RNASEL: variants seen among roughly 807,000 people sequenced by gnomAD.
RNASEL encodes the protein 2-5A-dependent ribonuclease.
RNASEL carries 36 observed loss-of-function variants against 50.9 expected under a neutral mutation model. The ratio of observed to expected loss-of-function variants is 0.71; its 90% CI spans 0.54 to 0.93. The LOEUF is 0.93. Ranked by LOEUF, RNASEL falls within the 40% of genes least tolerant of loss-of-function variation. The pLI, the probability that RNASEL is intolerant of heterozygous loss-of-function variation, is 0.00. For missense variants in RNASEL, 860 were observed against 894.5 expected (o/e 0.96, Z 0.49); for synonymous variants, 335 against 335.6 (o/e 1.00, Z 0.02).
At chr1:182,583,270 G>C (rs1661528153) in intron 3 of RNASEL, among the ~76,000 whole-genome samples, 1 of 152,198 alleles carries the variant, frequency 6.6e-6, no homozygotes. Context: ...CACAGTGACA[G>C]CCAACTCCAC....
chr1:182,577,645 T>C (rs1350890256), intron 5 of RNASEL, among the ~76,000 whole-genome samples: 3 of 151,596 alleles, frequency 2.0e-5, no homozygotes, highest in Non-Finnish European at 4.4e-5. Flanking sequence ...AAAATTCACA[T>C]GAAACCAAAA....
At chr1:182,580,319 C>G (rs1436531445) in intron 5 of RNASEL, among the ~76,000 whole-genome samples, 2 of 152,150 alleles carry the variant, frequency 1.3e-5, no homozygotes, top group Non-Finnish European at 1.5e-5. Flanking sequence ...GACCGTAAGC[C>G]AGTAATTATG....
Position 182,586,420 on chromosome 1 carries a change from G to T in RNASEL, c.387C>A (p.Phe129Leu), listed in dbSNP as rs1448753348. The T allele has an allele frequency of 6.2e-7, 1 of 1,614,136 alleles. No individual in the cohort carries two copies. Among genetic ancestry groups the T allele is most frequent in the Non-Finnish European group, 8.5e-7 (1 of 1,180,040 alleles). The change falls in exon 2 of 7, where the codon TTC becomes TTA. Residue 129 changes from phenylalanine (F) to leucine (L), a missense_variant. By Grantham distance (22) the Phe-to-Leu change is conservative. Coordinates refer to ENST00000367559, the MANE Select transcript of RNASEL (RefSeq NM_021133.4). ...CCTTACCATACACAGCGGCTTCCAT[G>T]AAGGCTGTGAAGCCATAAAAATCAC... ...NECDFYGFTA[F>L]MEAAVYGKVK... is the part of the protein sequence containing the mutation.
Position 182,581,369 on chromosome 1 carries a change from T to C in RNASEL, c.1773-12A>G, listed in dbSNP as rs369696164. On this transcript the variant is annotated splice_polypyrimidine_tract_variant and intron_variant, in intron 4 of 6. Transcript: ENST00000367559. ...GCGTCCTATAGCGGCTGAAGATGACTAAATGATCTAAATGATCATGATCAT... is the reference window on the plus strand; with the variant it reads ...GCGTCCTATAGCGGCTGAAGATGACCAAATGATCTAAATGATCATGATCAT... 2.3e-5 allele frequency: 37 copies of C among 1,613,154 alleles called. No homozygotes were observed. In the African/African-American group the frequency reaches 4.3e-4, roughly 19 times the overall value.
chr1:182,581,025 G>A (rs997175752), intron 5 of RNASEL, among the ~76,000 whole-genome samples, 200 bp downstream of exon 5: 1 of 152,208 alleles, frequency 6.6e-6, no homozygotes, highest in Non-Finnish European at 1.5e-5. Flanking sequence ...ATGGGAGAGA[G>A]GGAGGGCCAG....
intron 2 of RNASEL, 33 bp from the exon 3 acceptor site, chr1:182,584,199 T>C (rs1661550052): frequency 1.3e-5 from 18 of 1,358,744 alleles, no homozygotes; most frequent in Non-Finnish European, 1.9e-5. Context: ...ACATTGAAAA[T>C]ACTCATTCTC....
chr1:182,583,510 G>T (rs1661534839), intron 3 of RNASEL, among the ~76,000 whole-genome samples: 1 of 152,114 alleles, frequency 6.6e-6, no homozygotes, highest in African/African-American at 2.4e-5. Context: ...TGAGTTGAAG[G>T]ATACAAAGTA....
rs1661335586 is a variant in RNASEL at position 182,573,826 on chromosome 1, T to C, written c.*1566A>G. 1 of 188,602 alleles carries C rather than the reference T, an allele frequency of 5.3e-6. No individual in the cohort carries two copies. The highest frequency in any genetic ancestry group is 1.1e-5 in the Non-Finnish European group (1 of 89,698). 11.7% of individuals were successfully genotyped at this position (188,602 alleles called of 1,614,324 possible). ...TTAATTTCATTCAGTGGTATCTATT[T>C]ATCCATTGCTAGATACCTCCTTTTC... On this transcript the variant is annotated 3_prime_UTR_variant, in exon 7 of 7. Transcript: ENST00000367559.
chr1:182,577,651 C>G (rs969144270), intron 5 of RNASEL, among the ~76,000 whole-genome samples: 1 of 150,622 alleles, frequency 6.6e-6, no homozygotes, highest in Non-Finnish European at 1.5e-5. Context: ...CACATGAAAC[C>G]AAAAAAGAGC....
intron 3 of RNASEL, among the ~76,000 whole-genome samples, chr1:182,582,808 C>A (rs971230316): frequency 6.6e-6 from 1 of 152,144 alleles, no homozygotes; most frequent in Non-Finnish European, 1.5e-5. Flanking sequence ...AACCAGGAGG[C>A]CAGACATATG....
In RNASEL at chr1:182,581,512, C is replaced by T. The variant is rs191214655; in HGVS notation, c.1773-155G>A. 3.7e-5 allele frequency among the ~76,000 whole-genome samples: 4 copies of T among 109,328 alleles called. No homozygotes were observed. The East Asian group carries it at 8.5e-4, about 23-fold the overall frequency. 71.7% of individuals were successfully genotyped at this position (109,328 alleles called of 152,430 possible). ...TTTTTTTTTTTTTGAGATGGAGTCT[C>T]GCTCTGTCCCCCAAGCTGGAGTGCA... On this transcript the variant is annotated intron_variant, in intron 4 of 6. Transcript: ENST00000367559.
chr1:182,579,476 T>A lies in RNASEL; in HGVS notation c.1905+1749A>T, dbSNP rs530696578. 17 of 1,021,022 alleles carry A rather than the reference T, an allele frequency of 1.7e-5. No homozygotes were observed. In the East Asian group the frequency reaches 4.3e-4, roughly 26 times the overall value. 63.2% of individuals were successfully genotyped at this position (1,021,022 alleles called of 1,614,324 possible). ...GAGGATGCTGCTGAGACTGGCCAGG[T>A]GCACTCTGTGCAGAACACCCGTGAG... On this transcript the variant is annotated intron_variant, in intron 5 of 6. Transcript: ENST00000367559.
In RNASEL at chr1:182,586,931, A is replaced by G. The variant is rs1558478180; in HGVS notation, c.-125T>C. 1 of 1,252,644 alleles carries G rather than the reference A, an allele frequency of 8.0e-7. No homozygotes were observed. Among genetic ancestry groups the G allele is most frequent in the Non-Finnish European group, 1.2e-6 (1 of 866,696 alleles). The allele number at this position is 1,252,644 out of a possible 1,614,324, so 77.6% of individuals were successfully genotyped here. A position where few individuals can be genotyped will look rare whatever the true frequency, so the allele number is the denominator to read the frequency against. Reference sequence around the variant, plus strand: ...GATTCTCTGGCAACAGAGCAGCAGTATGAAGAAGGAACAATGTTCTCAGTC... The same window carrying G: ...GATTCTCTGGCAACAGAGCAGCAGTGTGAAGAAGGAACAATGTTCTCAGTC... On this transcript the variant is annotated 5_prime_UTR_variant, in exon 2 of 7. Coordinates refer to ENST00000367559, the MANE Select transcript of RNASEL (RefSeq NM_021133.4).
At chr1:182,577,815 G>A (rs1159263595) in intron 5 of RNASEL, among the ~76,000 whole-genome samples, 1 of 152,064 alleles carries the variant, frequency 6.6e-6, no homozygotes, top group Non-Finnish European at 1.5e-5. Flanking sequence ...GAATACAGAA[G>A]CCACAAATAA....
At position 182,585,329 on chromosome 1, in the gene RNASEL, A is replaced by C; in HGVS notation, c.1478T>G (p.Ile493Arg). 1 of 1,614,028 alleles carries C rather than the reference A, an allele frequency of 6.2e-7. No individual in the cohort carries two copies. Among genetic ancestry groups the C allele is most frequent in the Non-Finnish European group, 8.5e-7 (1 of 1,179,914 alleles). Residue 493 changes from isoleucine to arginine, a missense_variant and splice_region_variant, in exon 2 of 7, where the codon ATA (isoleucine) becomes AGA (arginine). Physicochemically the swap from Ile to Arg is moderately conservative, Grantham distance 97. Transcript: ENST00000367559. ...HQDLQPQNILIDSKKAAHLAD... is the reference protein window; with the variant it reads ...HQDLQPQNILRDSKKAAHLAD... Reference sequence around the variant, plus strand: ...AGAATTGGGGATTGGGGACTCACCTATTAAGATGTTTTGTGGTTGCAGATC... The same window carrying C: ...AGAATTGGGGATTGGGGACTCACCTCTTAAGATGTTTTGTGGTTGCAGATC...
intron 1 of RNASEL, among the ~76,000 whole-genome samples, chr1:182,587,615 CAA>C (rs34085847): frequency 2.0e-4 from 19 of 94,048 alleles, no homozygotes; most frequent in Admixed American, 3.5e-4. Flanking sequence ...AGGTGGCTTC[CAA>C]AAAAAAAAAA....
chr1:182,583,796 G>C (rs1661542443), intron 3 of RNASEL, among the ~76,000 whole-genome samples: 1 of 152,146 alleles, frequency 6.6e-6, no homozygotes. Flanking sequence ...GGTTTGCCAG[G>C]GGCTTTCAGG....
At chr1:182,579,172 C>A (rs1661444813) in intron 5 of RNASEL, 2 of 897,742 alleles carry the variant, frequency 2.2e-6, no homozygotes, top group Non-Finnish European at 2.7e-6. Context: ...AACTTTACCA[C>A]TACACAATAT....
intron 1 of RNASEL, among the ~76,000 whole-genome samples, chr1:182,587,756 A>G (rs1261405166): frequency 6.6e-6 from 1 of 152,092 alleles, no homozygotes; most frequent in Non-Finnish European, 1.5e-5. Context: ...AAGGTTGATC[A>G]CTGTGTTTGC....
Sources: allele counts gnomAD v4.1 joint callset (sites outside exome capture counted in the v4.1 genomes callset), GRCh38; gene constraint gnomAD v4.1.1; transcripts MANE v1.5; gene names NCBI Gene and HGNC (gene_info 2026-07-23, HGNC 2026-07-21).